SDK2: variants seen among roughly 807,000 people sequenced by gnomAD.
SDK2 encodes the protein protein sidekick-2.
In SDK2, 105 loss-of-function variants were observed where a neutral mutation model predicts 253.9. That is an observed-to-expected ratio of 0.41 (90% CI 0.35 to 0.49). SDK2 has a LOEUF of 0.49. Ranked by LOEUF, SDK2 falls within the 20% of genes least tolerant of loss-of-function variation. SDK2 has a pLI of 0.06. For synonymous variants in SDK2, 1,249 were observed against 1,234.9 expected (o/e 1.01, Z -0.24); for missense variants, 2,608 against 3,003.0 (o/e 0.87, Z 3.07).
chr17:73,387,794 G>A (rs1193767594), intron 30 of SDK2, 42 bp downstream of exon 30: 2 of 1,492,134 alleles, frequency 1.3e-6, no homozygotes, highest in African/African-American at 1.4e-5. Flanking sequence ...GTCCCGGCGG[G>A]GAGAGGGGCA....
At chr17:73,605,682 C>T (rs16977709) in intron 1 of SDK2, among the ~76,000 whole-genome samples, 1 of 152,174 alleles carries the variant, frequency 6.6e-6, no homozygotes, top group South Asian at 2.1e-4. Flanking sequence ...TCGGGCAATA[C>T]CCTGGTGTGC....
intron 1 of SDK2, among the ~76,000 whole-genome samples, chr17:73,576,648 T>C (rs114396790): frequency 0.019 from 2,920 of 152,198 alleles, 93 homozygotes; most frequent in African/African-American, 0.068. Context: ...AATACAAAAT[T>C]GGTGCATGTA....
At chr17:73,418,025 T>TTTTG (rs2063198321) in intron 16 of SDK2, among the ~76,000 whole-genome samples, 1 of 148,624 alleles carries the variant, frequency 6.7e-6, no homozygotes, top group Non-Finnish European at 1.5e-5. Flanking sequence ...TTTTTTTTTT[T>TTTTG]TTTGTTTTTA....
intron 44 of SDK2, among the ~76,000 whole-genome samples, chr17:73,339,229 G>GTTTTT (rs2062411701): frequency 7.2e-6 from 1 of 138,472 alleles, no homozygotes; most frequent in African/African-American, 2.6e-5. Flanking sequence ...TTTTGTTTTT[G>GTTTTT]TTTTTGTTTT....
chr17:73,350,190 T>TGGGCACTGCTGGGTCTGGCCCCCCACCC, intron 43 of SDK2, 47 bp downstream of exon 43: 1 of 163,672 alleles, frequency 6.1e-6, no homozygotes, highest in Non-Finnish European at 9.7e-6. Context: ...TCTCCCCACC[T>TGGGCACTGCTGGGTCTGGCCCCCCACCC]GGGCACTGCT....
At chr17:73,588,197 A>ACCCCCCCCCCCCCCCCCCC (rs57740393) in intron 1 of SDK2, among the ~76,000 whole-genome samples, 1 of 130,862 alleles carries the variant, frequency 7.6e-6, no homozygotes, top group Non-Finnish European at 1.6e-5. Context: ...ACATGGAGAG[A>ACCCCCCCCCCCCCCCCCCC]CCCCCCCCCC....
At chr17:73,469,986 GCGCGCGCA>G (rs1285057939) in intron 3 of SDK2, among the ~76,000 whole-genome samples, 3 of 81,018 alleles carry the variant, frequency 3.7e-5, no homozygotes, top group Non-Finnish European at 7.9e-5. Context: ...GCGACTGCGC[GCGCGCGCA>G]CACACACACA....
chr17:73,554,590 T>A (rs1404444510), intron 1 of SDK2, among the ~76,000 whole-genome samples: 3 of 152,246 alleles, frequency 2.0e-5, no homozygotes, highest in African/African-American at 7.2e-5. Flanking sequence ...GGTCTTGGAC[T>A]TCTGGTCTCT....
intron 18 of SDK2, among the ~76,000 whole-genome samples, chr17:73,414,261 G>A (rs1481373600): frequency 6.6e-6 from 1 of 151,942 alleles, no homozygotes; most frequent in Non-Finnish European, 1.5e-5. Context: ...TGTTGGCCAG[G>A]CTGGTCTTGA....
At position 73,380,965 on chromosome 17, in the gene SDK2, T is replaced by TGCCGGGGCGGGGGC. The variant is rs1568373880; in HGVS notation, c.4706-29_4706-16dup. On this transcript the variant is annotated splice_polypyrimidine_tract_variant and intron_variant, in intron 33 of 44. Coordinates refer to ENST00000392650, the MANE Select transcript of SDK2 (RefSeq NM_001144952.2). ...GGAGTACATGGCTATGGGGTGGGGG[T>TGCCGGGGCGGGGGC]GCCGGGGCGGGGGCGCAGAGGGAGA... The TGCCGGGGCGGGGGC allele has an allele frequency of 1.6e-6, 1 of 623,476 alleles. No homozygotes were observed. Among genetic ancestry groups the TGCCGGGGCGGGGGC allele is most frequent in the East Asian group, 4.4e-5 (1 of 22,844 alleles). 38.6% of individuals were successfully genotyped at this position (623,476 alleles called of 1,614,324 possible).
chr17:73,537,235 T>A (rs969583974), intron 1 of SDK2, among the ~76,000 whole-genome samples: 37 of 152,178 alleles, frequency 2.4e-4, no homozygotes, highest in Non-Finnish European at 1.6e-4. Flanking sequence ...AAGTTGAAAC[T>A]CAGCCAACCT....
At chr17:73,493,433 T>C (rs369362822) in intron 2 of SDK2, among the ~76,000 whole-genome samples, 4 of 152,296 alleles carry the variant, frequency 2.6e-5, no homozygotes, top group Non-Finnish European at 4.4e-5. Flanking sequence ...GGATGGGCCA[T>C]GGAAAATGCA....
intron 1 of SDK2, among the ~76,000 whole-genome samples, chr17:73,537,205 T>C (rs2044789858): frequency 6.6e-6 from 1 of 152,170 alleles, no homozygotes; most frequent in South Asian, 2.1e-4. Flanking sequence ...AGACGATGGA[T>C]TGTGAGCCCT....
At chr17:73,545,752 C>G (rs1025059199) in intron 1 of SDK2, among the ~76,000 whole-genome samples, 1 of 152,276 alleles carries the variant, frequency 6.6e-6, no homozygotes, top group African/African-American at 2.4e-5. Context: ...GGTGACCCAG[C>G]GCTGCAAGGC....
rs879499709 is a variant in SDK2, at chr17:73,495,420, G to A, written c.224+12018C>T. On this transcript the variant is annotated intron_variant, in intron 2 of 44. Coordinates refer to ENST00000392650, the MANE Select transcript of SDK2 (RefSeq NM_001144952.2). ...GCTGCCTCTTAACACCTTACATCAC[G>A]CATGACAGACTCCCACCCTCCAACA... Among the ~76,000 whole-genome samples the A allele has an allele frequency of 9.8e-5, 15 of 152,286 alleles. 1 individual carries two copies. Among genetic ancestry groups the A allele is most frequent in the Admixed American group, 7.8e-4 (12 of 15,310 alleles).
At position 73,643,400 on chromosome 17, in the gene SDK2, G is replaced by C. The variant is rs986086438; in HGVS notation, c.64+625C>G. 5.3e-5 allele frequency among the ~76,000 whole-genome samples: 8 copies of C among 152,198 alleles called. No individual in the cohort carries two copies. Among genetic ancestry groups the C allele is most frequent in the African/African-American group, 1.9e-4 (8 of 41,556 alleles). On this transcript the variant is annotated intron_variant, in intron 1 of 44. Transcript: ENST00000392650. This position sits in a 1 kb window ranked among gnomAD's most constrained non-coding sequence, Gnocchi z 6.9. ...AGACCCTCCCTGTGCACCACCCCCC[G>C]GTGGGTCCGCGGCTGCACCCGCGAC...
intron 40 of SDK2, among the ~76,000 whole-genome samples, chr17:73,355,184 T>TTTTTTTTTTTTTTTC (rs1568363079): frequency 2.2e-5 from 1 of 44,774 alleles, no homozygotes; most frequent in African/African-American, 1.9e-4. Context: ...ATTTTTTTTT[T>TTTTTTTTTTTTTTTC]TTTTTTTTTT....
Position 73,455,925 on chromosome 17 carries a change from T to A in SDK2, c.460A>T (p.Ile154Phe), listed in dbSNP as rs1173324801. 1 of 1,544,540 alleles carries A rather than the reference T, an allele frequency of 6.5e-7. No individual in the cohort carries two copies. Among genetic ancestry groups the A allele is most frequent in the Admixed American group, 2.0e-5 (1 of 50,870 alleles). ...QVTWFRDGRK[I>F]PPSSRIAITL... Reference sequence around the variant, plus strand: ...ACTCACATGCGGCTGCTGGGCGGGATCTTGCGGCCGTCCCGGAACCAGGTC... The same window carrying A: ...ACTCACATGCGGCTGCTGGGCGGGAACTTGCGGCCGTCCCGGAACCAGGTC... The change falls in exon 4 of 45, where the codon ATC (isoleucine) becomes TTC (phenylalanine). Residue 154 changes from isoleucine to phenylalanine, a missense_variant. Physicochemically the swap from Ile to Phe is conservative, Grantham distance 21. Coordinates refer to ENST00000392650, the MANE Select transcript of SDK2 (RefSeq NM_001144952.2). This position sits in a 1 kb window ranked among gnomAD's most constrained non-coding sequence, Gnocchi z 5.0.
At chr17:73,448,542 T>C (rs1431592933) in intron 4 of SDK2, among the ~76,000 whole-genome samples, 2 of 151,910 alleles carry the variant, frequency 1.3e-5, no homozygotes, top group Non-Finnish European at 2.9e-5. Context: ...TTTTTTGTAT[T>C]TTTAGTAGGG....
Sources: gnomAD v4.1 joint callset for allele counts (sites outside exome capture counted in the v4.1 genomes callset) on GRCh38, gnomAD v4.1.1 for gene constraint, Gnocchi (gnomAD v3.1) non-coding constraint, MANE v1.5 for transcripts, NCBI Gene and HGNC (gene_info 2026-07-23, HGNC 2026-07-21) for gene names.